Variants in SBF2 observed in about 807,000 individuals in gnomAD.
SBF2 encodes myotubularin-related protein 13.
SBF2 carries 112 observed loss-of-function variants against 225.2 expected under a neutral mutation model. The observed-to-expected ratio is 0.50, with a 90% CI of 0.43 to 0.58. SBF2 has a LOEUF of 0.58. Among genes scored for constraint, SBF2 ranks in the 20% least tolerant of loss-of-function variants. The pLI is 0.00. For synonymous variants in SBF2, 763 were observed against 773.3 expected, an observed-to-expected ratio of 0.99 and a Z score of 0.22; for missense variants, 1,996 against 2,206.2, an observed-to-expected ratio of 0.90 and a Z score of 1.91.
rs553977335 is a variant in SBF2 at position 10,012,939 on chromosome 11, T to A, written c.620-10250A>T. ...GTGTTTGCATGGTTCACTTGGTCAG[T>A]CCATAATTTGGGCAGAGGTTGTACT... is the stretch of plus-strand genomic sequence containing the variant. On this transcript the variant is annotated intron_variant, in intron 6 of 39. Coordinates refer to ENST00000256190, the MANE Select transcript of SBF2 (RefSeq NM_030962.4). Among the ~76,000 whole-genome samples the A allele has an allele frequency of 2.0e-5, 3 of 152,304 alleles. No homozygotes were observed. The South Asian group carries it at 6.2e-4, about 32-fold the overall frequency.
intron 16 of SBF2, among the ~76,000 whole-genome samples, chr11:9,954,998 T>C (rs1192345453): frequency 6.6e-6 from 1 of 152,082 alleles, no homozygotes; most frequent in Non-Finnish European, 1.5e-5. Flanking sequence ...TCCTCTATAA[T>C]AATGGTAACA....
chr11:10,226,717 T>A (rs1271945369), intron 1 of SBF2, among the ~76,000 whole-genome samples: 1 of 152,216 alleles, frequency 6.6e-6, no homozygotes, highest in African/African-American at 2.4e-5. Flanking sequence ...ATTTTCTTAA[T>A]CCAGTCTATC....
At chr11:9,868,499 C>T (rs879611639) in intron 17 of SBF2, among the ~76,000 whole-genome samples, 1 of 151,512 alleles carries the variant, frequency 6.6e-6, no homozygotes, top group Admixed American at 6.6e-5. Flanking sequence ...GCCTGGGCAA[C>T]AGAGTGACAG....
At chr11:9,982,162 C>CT (rs1946985206) in intron 13 of SBF2, among the ~76,000 whole-genome samples, 1 of 152,096 alleles carries the variant, frequency 6.6e-6, no homozygotes, top group East Asian at 1.9e-4. Flanking sequence ...TGTCAATTTG[C>CT]TTTTTTTCTT....
In SBF2 at chr11:9,893,407, C is replaced by T. The variant is rs75027686; in HGVS notation, c.1929+2536G>A. ...TCTTGCTTTGTGATACTGGAACTGG[C>T]CCTTATAAACATTTCTCCTTTGCCA... On this transcript the variant is annotated intron_variant, in intron 17 of 39. Coordinates refer to ENST00000256190, the MANE Select transcript of SBF2 (RefSeq NM_030962.4). Among the ~76,000 whole-genome samples, 25 of 152,294 alleles carry T rather than the reference C, an allele frequency of 1.6e-4. No individual in the cohort carries two copies. The East Asian group carries it at 4.8e-3, about 29-fold the overall frequency.
At chr11:10,289,952 G>A (rs1964058329) in intron 1 of SBF2, among the ~76,000 whole-genome samples, 3 of 152,116 alleles carry the variant, frequency 2.0e-5, no homozygotes, top group Non-Finnish European at 2.9e-5. Context: ...GCTGCCTCAG[G>A]GATGCAGGGC....
In SBF2 at chr11:9,780,363, A is replaced by G. The variant is rs146145713; in HGVS notation, c.*55T>C. ...CTCAAGGATCCATGCTTCTTTTTCT[A>G]TCTATCTGGCAGCATGAGTTCTTCT... On this transcript the variant is annotated 3_prime_UTR_variant, in exon 40 of 40. Coordinates refer to ENST00000256190, the MANE Select transcript of SBF2 (RefSeq NM_030962.4). The G allele has an allele frequency of 1.5e-4, 220 of 1,460,206 alleles. No homozygotes were observed. The Middle Eastern group carries it at 6.3e-3, about 42-fold the overall frequency. 90.5% of individuals were successfully genotyped at this position (1,460,206 alleles called of 1,614,324 possible). A position where few individuals can be genotyped will look rare whatever the true frequency, so the allele number is the denominator to read the frequency against.
intron 1 of SBF2, among the ~76,000 whole-genome samples, chr11:10,214,413 G>A (rs11042670): frequency 0.022 from 3,308 of 152,280 alleles, 92 homozygotes; most frequent in African/African-American, 0.065. Context: ...CACAAGGTCA[G>A]GAGATCCAGA....
chr11:10,020,169 T>A (rs968020437), intron 6 of SBF2, among the ~76,000 whole-genome samples: 1 of 152,030 alleles, frequency 6.6e-6, no homozygotes, highest in Non-Finnish European at 1.5e-5. Flanking sequence ...ATACCTGAAA[T>A]TGGTGATCGG....
At chr11:10,288,247 C>T (rs1023952649) in intron 1 of SBF2, among the ~76,000 whole-genome samples, 3 of 152,158 alleles carry the variant, frequency 2.0e-5, no homozygotes, top group African/African-American at 7.2e-5. Context: ...CCTCACCATT[C>T]AAGGGTCCCA....
At chr11:10,211,599 T>C (rs1228131665) in intron 1 of SBF2, among the ~76,000 whole-genome samples, 1 of 152,188 alleles carries the variant, frequency 6.6e-6, no homozygotes, top group Non-Finnish European at 1.5e-5. Context: ...GCTAGTTCTC[T>C]ATCACAATGT....
chr11:9,869,535 TC>T (rs1402245127), intron 17 of SBF2, among the ~76,000 whole-genome samples: 88 of 152,246 alleles, frequency 5.8e-4, no homozygotes, highest in Middle Eastern at 3.4e-3. Context: ...GCCAGGCTAG[TC>T]ACGGTTCAAC....
intron 2 of SBF2, among the ~76,000 whole-genome samples, chr11:10,173,589 C>T (rs1469383718): frequency 3.9e-5 from 6 of 152,274 alleles, no homozygotes; most frequent in East Asian, 3.9e-4. Flanking sequence ...GGGGGAGGGG[C>T]GCCCACCATT....
chr11:10,262,319 T>C (rs1351212916), intron 1 of SBF2, among the ~76,000 whole-genome samples: 1 of 152,204 alleles, frequency 6.6e-6, no homozygotes, highest in Admixed American at 6.5e-5. Flanking sequence ...AGGCGTTTGG[T>C]ATAAATTCTT....
intron 2 of SBF2, among the ~76,000 whole-genome samples, chr11:10,103,540 T>C (rs1337757900): frequency 6.6e-6 from 1 of 152,214 alleles, no homozygotes; most frequent in African/African-American, 2.4e-5. Context: ...CCTTGTCAAT[T>C]TTGTCTTTAC....
At chr11:10,009,361 A>G (rs1948341816) in intron 6 of SBF2, among the ~76,000 whole-genome samples, 1 of 152,038 alleles carries the variant, frequency 6.6e-6, no homozygotes, top group African/African-American at 2.4e-5. Context: ...TGCACCCATC[A>G]ACCTGTCATC....
intron 1 of SBF2, among the ~76,000 whole-genome samples, chr11:10,280,146 A>G (rs1963303262): frequency 6.6e-6 from 1 of 152,234 alleles, no homozygotes; most frequent in South Asian, 2.1e-4. Flanking sequence ...ATGTCATATC[A>G]GTGCTCAAAA....
intron 2 of SBF2, among the ~76,000 whole-genome samples, chr11:10,067,544 AC>A (rs1950672457): frequency 6.6e-6 from 1 of 152,134 alleles, no homozygotes; most frequent in African/African-American, 2.4e-5. Context: ...AACCAAAAAA[AC>A]AAAAACAAAA....
chr11:9,885,390 A>G (rs1251064780), intron 17 of SBF2, among the ~76,000 whole-genome samples: 2 of 152,064 alleles, frequency 1.3e-5, no homozygotes, highest in African/African-American at 4.8e-5. Context: ...AAATTTAAAA[A>G]TATTATTAAA....
Sources: allele counts gnomAD v4.1 joint callset (sites outside exome capture counted in the v4.1 genomes callset), GRCh38; gene constraint gnomAD v4.1.1; transcripts MANE v1.5; gene names NCBI Gene and HGNC (gene_info 2026-07-23, HGNC 2026-07-21).